Variants in XKR6 observed in about 807,000 individuals in gnomAD.
The protein encoded by XKR6 is XK related 6.
In XKR6, 22 loss-of-function variants were observed where a neutral mutation model predicts 56.7. The ratio of observed to expected loss-of-function variants is 0.39; its 90% confidence interval spans 0.28 to 0.55. The LOEUF is 0.55. Among genes scored for constraint, XKR6 ranks in the 20% least tolerant of loss-of-function variants. The pLI is 0.66. For synonymous variants in XKR6, 524 were observed against 387.8 expected (o/e 1.35, Z -4.13); for missense variants, 852 against 889.0 (o/e 0.96, Z 0.53).
intron 1 of XKR6, among the ~76,000 whole-genome samples, chr8:10,989,299 A>T (rs754450100): frequency 1.3e-5 from 2 of 152,268 alleles, no homozygotes; most frequent in African/African-American, 4.8e-5. Context: ...TACTTTTCTT[A>T]TAATTCCTTT....
intron 1 of XKR6, among the ~76,000 whole-genome samples, chr8:11,154,024 TG>T (rs1463872159): frequency 6.6e-6 from 1 of 151,980 alleles, no homozygotes; most frequent in Admixed American, 6.6e-5. Context: ...AAAGCCTAGG[TG>T]GGTAGGAAAG....
At chr8:10,978,972 C>T (rs1797661374) in intron 1 of XKR6, among the ~76,000 whole-genome samples, 1 of 152,168 alleles carries the variant, frequency 6.6e-6, no homozygotes, top group Non-Finnish European at 1.5e-5. Flanking sequence ...GGGCAAATTA[C>T]TCTGCTGCCA....
intron 2 of XKR6, among the ~76,000 whole-genome samples, chr8:10,903,831 A>G (rs1022052501): frequency 2.0e-5 from 3 of 152,174 alleles, no homozygotes; most frequent in Non-Finnish European, 2.9e-5. Flanking sequence ...CCGTGCGGAC[A>G]GAACTGTGCA....
intron 1 of XKR6, among the ~76,000 whole-genome samples, chr8:11,001,030 C>T (rs1013720947): frequency 1.3e-5 from 2 of 152,224 alleles, no homozygotes; most frequent in South Asian, 4.1e-4. Context: ...TGAAACAAAC[C>T]TCAAGTATGA....
At chr8:10,951,191 C>T (rs757990711) in intron 1 of XKR6, among the ~76,000 whole-genome samples, 14 of 151,604 alleles carry the variant, frequency 9.2e-5, no homozygotes, top group Middle Eastern at 6.8e-3. Flanking sequence ...AGTTTCCAGG[C>T]AGAGGTAGAC....
chr8:11,095,788 C>T (rs1010866593), intron 1 of XKR6, among the ~76,000 whole-genome samples: 1 of 152,164 alleles, frequency 6.6e-6, no homozygotes, highest in Non-Finnish European at 1.5e-5. Flanking sequence ...CATTTAAAAG[C>T]TCAAACGGGT....
chr8:10,917,271 C>A (rs1055481149), intron 2 of XKR6, among the ~76,000 whole-genome samples: 2 of 152,144 alleles, frequency 1.3e-5, no homozygotes, highest in Admixed American at 6.5e-5. Context: ...GTGACTTGGG[C>A]AACTTCCTTC....
intron 1 of XKR6, chr8:11,109,756 C>G (rs547201768): frequency 8.5e-5 from 13 of 152,260 alleles, no homozygotes; most frequent in African/African-American, 3.1e-4. Context: ...CAAGTTTTCT[C>G]CTGCCTGGTT....
intron 1 of XKR6, among the ~76,000 whole-genome samples, chr8:11,019,496 C>A (rs1798700814): frequency 6.6e-6 from 1 of 152,226 alleles, no homozygotes. Flanking sequence ...GCTGCCTCCT[C>A]TGGGGATGGA....
intron 1 of XKR6, among the ~76,000 whole-genome samples, chr8:10,994,070 G>C (rs1798055464): frequency 6.6e-6 from 1 of 152,196 alleles, no homozygotes; most frequent in Admixed American, 6.5e-5. Context: ...CTGGGCCCCT[G>C]AAAGTCTTGC....
At chr8:11,083,297 T>G (rs2129170458) in intron 1 of XKR6, among the ~76,000 whole-genome samples, 1 of 152,292 alleles carries the variant, frequency 6.6e-6, no homozygotes, top group East Asian at 1.9e-4. Context: ...GGAATGGGAA[T>G]GCCTCCTGTT....
chr8:11,097,427 A>G (rs548078082), intron 1 of XKR6, among the ~76,000 whole-genome samples: 10 of 152,198 alleles, frequency 6.6e-5, no homozygotes, highest in African/African-American at 1.9e-4. Flanking sequence ...CTTATGTGTA[A>G]AAGTAGATAA....
At chr8:11,149,971 G>C (rs1801187161) in intron 1 of XKR6, among the ~76,000 whole-genome samples, 1 of 152,168 alleles carries the variant, frequency 6.6e-6, no homozygotes, top group Non-Finnish European at 1.5e-5. Context: ...AAATAAGCCA[G>C]GCAAAGAAAG....
At chr8:10,906,341 C>G (rs552837305) in intron 2 of XKR6, among the ~76,000 whole-genome samples, 3 of 152,162 alleles carry the variant, frequency 2.0e-5, no homozygotes, top group Non-Finnish European at 2.9e-5. Context: ...GGTGTCTATG[C>G]AAATTAGAAG....
rs774423970 is a variant in XKR6 at position 10,897,928 on chromosome 8, C to T, written c.*24G>A. On this transcript the variant is annotated 3_prime_UTR_variant, in exon 3 of 3. Transcript: ENST00000416569. ...TGCCGCAAACCAAACTTAAGGTCCC[C>T]TTCTCAACTTGGTCAAGATGCTCTT... 1 of 1,531,266 alleles carries T rather than the reference C, an allele frequency of 6.5e-7. No individual in the cohort carries two copies. Among genetic ancestry groups the T allele is most frequent in the Non-Finnish European group, 8.8e-7 (1 of 1,139,882 alleles). 94.9% of individuals were successfully genotyped at this position (1,531,266 alleles called of 1,614,324 possible).
chr8:11,114,674 T>C (rs944527814), intron 1 of XKR6, among the ~76,000 whole-genome samples: 1 of 151,910 alleles, frequency 6.6e-6, no homozygotes, highest in Non-Finnish European at 1.5e-5. Flanking sequence ...CATTTATTTT[T>C]AATAGAGTTA....
chr8:10,926,478 C>T (rs1800889595), intron 1 of XKR6, among the ~76,000 whole-genome samples: 2 of 152,116 alleles, frequency 1.3e-5, no homozygotes, highest in East Asian at 3.8e-4. Context: ...GCAATGGATG[C>T]CTCATTTCTC....
chr8:10,973,567 C>G (rs116732637), intron 1 of XKR6, among the ~76,000 whole-genome samples: 2,078 of 150,734 alleles, frequency 0.014, 43 homozygotes, highest in African/African-American at 0.048. Flanking sequence ...TTCTTTCTTT[C>G]TCTCTTTCTC....
intron 1 of XKR6, among the ~76,000 whole-genome samples, chr8:11,056,755 G>A (rs1483021376): frequency 3.3e-5 from 5 of 152,198 alleles, no homozygotes; most frequent in Non-Finnish European, 7.3e-5. Flanking sequence ...TCTTCAATGG[G>A]AGAGGGAGCC....
Sources: allele counts gnomAD v4.1 joint callset (sites outside exome capture counted in the v4.1 genomes callset), GRCh38; gene constraint gnomAD v4.1.1; transcripts MANE v1.5; gene names NCBI Gene and HGNC (gene_info 2026-07-23, HGNC 2026-07-21).